Variants in DMD observed in about 807,000 individuals in gnomAD.
DMD encodes the protein mutant dystrophin.
DMD carries 63 observed loss-of-function variants against 330.1 expected under a neutral mutation model. The ratio of observed to expected loss-of-function variants is 0.19; its 90% CI spans 0.16 to 0.24. The LOEUF is 0.24. DMD is among the 10% of genes least tolerant of loss of function. The pLI, the probability that DMD is intolerant of heterozygous loss-of-function variation, is 1.00. For synonymous variants in DMD, 1,223 were observed against 959.8 expected, an observed-to-expected ratio of 1.27 and a Z score of -5.07; for missense variants, 3,344 against 2,684.1, an observed-to-expected ratio of 1.25 and a Z score of -5.43.
intron 1 of DMD, among the ~76,000 whole-genome samples, chrX:33,240,548 G>A (rs1358313951): frequency 4.5e-5 from 5 of 112,044 alleles, no homozygotes; most frequent in Admixed American, 9.5e-5. Context: ...TCTCTTCAAC[G>A]TGTTGATTTC....
chrX:32,253,833 AG>A (rs2097287576), intron 43 of DMD, among the ~76,000 whole-genome samples: 2 of 108,825 alleles, frequency 1.8e-5, no homozygotes, highest in Non-Finnish European at 1.9e-5. Context: ...CATATTGGCT[AG>A]GCTGTTTTCG....
rs754037131 is a variant in DMD at position 32,289,125 on chromosome X, G to C, written c.6118-1424C>G. Among the ~76,000 whole-genome samples, 7 of 111,404 alleles carry C rather than the reference G, an allele frequency of 6.3e-5. No homozygotes were observed. In the South Asian group the frequency reaches 2.6e-3, roughly 42 times the overall value. The stretch of plus-strand genomic sequence containing the variant: ...GAATATATTTGCTGTTTTACTTTTT[G>C]TATAGGAATGCAGAATAAGCTTACT... On this transcript the variant is annotated intron_variant, in intron 42 of 78. Coordinates refer to ENST00000357033, the MANE Select transcript of DMD (RefSeq NM_004006.3).
intron 16 of DMD, among the ~76,000 whole-genome samples, chrX:32,561,874 G>A (rs1042382161): frequency 1.8e-5 from 2 of 111,925 alleles, no homozygotes; most frequent in African/African-American, 6.5e-5. Context: ...AGTAGAGATT[G>A]GGGGCTAATA....
At chrX:31,927,409 C>A (rs2094793999) in intron 47 of DMD, among the ~76,000 whole-genome samples, 1 of 112,259 alleles carries the variant, frequency 8.9e-6, no homozygotes, top group Non-Finnish European at 1.9e-5. Flanking sequence ...AGTTCTCTCA[C>A]ATTTCCTACA....
intron 37 of DMD, among the ~76,000 whole-genome samples, chrX:32,354,740 A>T (rs2097793168): frequency 9.0e-6 from 1 of 111,297 alleles, no homozygotes; most frequent in Non-Finnish European, 1.9e-5. Flanking sequence ...AATGTGACTA[A>T]TTTGTGAGGC....
chrX:31,258,485 G>A (rs1178046909), intron 63 of DMD, among the ~76,000 whole-genome samples: 1 of 112,928 alleles, frequency 8.9e-6, no homozygotes, highest in Admixed American at 9.3e-5. Flanking sequence ...TAGTTCACTT[G>A]CAAGTGGTTT....
In DMD at chrX:32,189,685, A is replaced by G. The variant is rs190145233; in HGVS notation, c.6438+27231T>C. Among the ~76,000 whole-genome samples the G allele has an allele frequency of 5.9e-3, 650 of 109,843 alleles. 3 individuals are homozygous for G. Among genetic ancestry groups the G allele is most frequent in the Non-Finnish European group, 9.7e-3 (509 of 52,571 alleles). On this transcript the variant is annotated intron_variant, in intron 44 of 78. Coordinates refer to ENST00000357033, the MANE Select transcript of DMD (RefSeq NM_004006.3). The stretch of plus-strand genomic sequence containing the variant: ...TTTCCGCAAAGTTATTAGGAAGTAC[A>G]TGGGACTTTCCAGCCCCATTTCACA...
chrX:31,243,228 A>C (rs2048525398), intron 63 of DMD, among the ~76,000 whole-genome samples: 2 of 112,287 alleles, frequency 1.8e-5, no homozygotes, highest in Admixed American at 1.9e-4. Context: ...TTTTCTGTTA[A>C]TAACTGAATA....
At chrX:31,151,143 C>A (rs2147976006) in intron 74 of DMD, among the ~76,000 whole-genome samples, 1 of 112,344 alleles carries the variant, frequency 8.9e-6, no homozygotes, top group East Asian at 2.8e-4. Context: ...ATGTATGTAA[C>A]TGTCCACATT....
chrX:33,194,628 A>G (rs1176952964), intron 1 of DMD, among the ~76,000 whole-genome samples: 1 of 111,308 alleles, frequency 9.0e-6, no homozygotes, highest in Non-Finnish European at 1.9e-5. Flanking sequence ...CAAAGATAAA[A>G]TATTAAAGAA....
chrX:31,328,963 T>A (rs564644580), intron 61 of DMD, among the ~76,000 whole-genome samples: 1 of 112,339 alleles, frequency 8.9e-6, no homozygotes, highest in South Asian at 3.7e-4. Context: ...AGTATCTAAC[T>A]GCCTGGGCTT....
Position 31,627,807 on chromosome X carries a change from G to A in DMD, c.8083C>T (p.Pro2695Ser), listed in dbSNP as rs755445214. The change falls in exon 55 of 79, where the codon CCC becomes TCC. Residue 2695 changes from proline (P) to serine (S), a missense_variant. Pro to Ser is a moderately conservative substitution (Grantham distance 74). Transcript: ENST00000357033. ...EETHRLLQQFPLDLEKFLAWL... is the reference protein window; with the variant it reads ...EETHRLLQQFSLDLEKFLAWL... The stretch of plus-strand genomic sequence containing the variant: ...GCAAGAAACTTTTCCAGGTCCAGGG[G>A]GAACTGTTGCAGTAATCTATGAGTT... The A allele has an allele frequency of 1.2e-5, 15 of 1,208,886 alleles. No homozygotes were observed. In the Admixed American group the frequency reaches 2.6e-4, roughly 21 times the overall value.
At chrX:32,121,509 C>A (rs1330331912) in intron 44 of DMD, among the ~76,000 whole-genome samples, 2 of 105,186 alleles carry the variant, frequency 1.9e-5, no homozygotes, top group African/African-American at 3.5e-5. Flanking sequence ...GGACTGCTGA[C>A]AGGAAGTTAG....
At chrX:33,105,682 T>A (rs2095280306) in intron 1 of DMD, among the ~76,000 whole-genome samples, 1 of 111,840 alleles carries the variant, frequency 8.9e-6, no homozygotes, top group Admixed American at 9.5e-5. Flanking sequence ...ATACTTAACA[T>A]CACTAATCAT....
intron 44 of DMD, among the ~76,000 whole-genome samples, chrX:32,047,632 T>G (rs1479528348): frequency 8.9e-6 from 1 of 111,818 alleles, no homozygotes. Flanking sequence ...TTAGTGAATA[T>G]AGAGTGTTCA....
At chrX:32,974,600 T>C (rs1216016996) in intron 2 of DMD, among the ~76,000 whole-genome samples, 1 of 111,764 alleles carries the variant, frequency 8.9e-6, no homozygotes, top group African/African-American at 3.3e-5. Context: ...TTGTTCATTT[T>C]TGTTTTATTT....
intron 43 of DMD, among the ~76,000 whole-genome samples, chrX:32,251,487 C>T (rs1248172137): frequency 1.8e-5 from 2 of 111,499 alleles, no homozygotes; most frequent in East Asian, 5.7e-4. Context: ...ACTTCACTGT[C>T]TTTCAACTCC....
At chrX:32,225,963 T>C (rs2097146363) in intron 43 of DMD, among the ~76,000 whole-genome samples, 1 of 112,078 alleles carries the variant, frequency 8.9e-6, no homozygotes, top group Admixed American at 9.5e-5. Flanking sequence ...TTTTAGTCAA[T>C]GATTTCCAAG....
At chrX:31,720,332 G>C (rs1209686459) in intron 52 of DMD, among the ~76,000 whole-genome samples, 2 of 111,858 alleles carry the variant, frequency 1.8e-5, no homozygotes, top group African/African-American at 6.5e-5. Context: ...CATTTTTTAG[G>C]AACAGTCCAT....
Sources: gnomAD v4.1 joint callset for allele counts (sites outside exome capture counted in the v4.1 genomes callset) on GRCh38, gnomAD v4.1.1 for gene constraint, MANE v1.5 for transcripts, NCBI Gene and HGNC (gene_info 2026-07-23, HGNC 2026-07-21) for gene names.